The following MCF2L variants were observed in gnomAD, a reference collection of about 807,000 sequenced individuals.
The protein encoded by MCF2L is MCF.2 cell line derived transforming sequence like, also known as guanine nucleotide exchange factor DBS.
In MCF2L, 97 loss-of-function variants were observed where a neutral mutation model predicts 153.4. The ratio of observed to expected loss-of-function variants is 0.63; its 90% CI spans 0.54 to 0.75. MCF2L has a LOEUF of 0.75. MCF2L is among the 30% of genes least tolerant of loss of function. The pLI, the probability that MCF2L is intolerant of heterozygous loss-of-function variation, is 0.00. For synonymous variants in MCF2L, 659 were observed against 632.2 expected, an observed-to-expected ratio of 1.04 and a Z score of -0.64; for missense variants, 1,347 against 1,495.2, an observed-to-expected ratio of 0.90 and a Z score of 1.64.
chr13:112,905,793 A>C (rs2081166930), intron 2 of MCF2L, among the ~76,000 whole-genome samples: 1 of 152,180 alleles, frequency 6.6e-6, no homozygotes, highest in South Asian at 2.1e-4. Flanking sequence ...TCATCCACGG[A>C]CGTTTGGGTC....
rs2082509809 is a variant in MCF2L at position 112,983,376 on chromosome 13, C to T, written c.79+13918C>T. Among the ~76,000 whole-genome samples, 1 of 152,216 alleles carries T rather than the reference C, an allele frequency of 6.6e-6. No homozygotes were observed. Among genetic ancestry groups the T allele is most frequent in the Middle Eastern group, 3.2e-3 (1 of 316 alleles). ...TGTGCCCAGTGGCACTGCGGAAACC[C>T]AGGCCGGACCTCACAATTGCAGGAT... On this transcript the variant is annotated intron_variant, in intron 1 of 29. Coordinates refer to ENST00000535094, the MANE Select transcript of MCF2L (RefSeq NM_001112732.3). This position sits in a 1 kb window ranked among gnomAD's most constrained non-coding sequence, Gnocchi z 4.0.
At chr13:113,084,689 TG>T (rs112875310) in intron 18 of MCF2L, 6 of 592,198 alleles carry the variant, frequency 1.0e-5, no homozygotes, top group African/African-American at 7.4e-5. Context: ...GCCCCATTAA[TG>T]GAGGGCAGGC....
At chr13:112,898,720 C>T (rs991435561) in intron 1 of MCF2L, among the ~76,000 whole-genome samples, 19 of 152,212 alleles carry the variant, frequency 1.2e-4, no homozygotes, top group Admixed American at 9.2e-4. Context: ...TCCCTGCCCC[C>T]CAAGTCCCTG....
chr13:112,914,694 G>A (rs2081272300), intron 2 of MCF2L, among the ~76,000 whole-genome samples: 1 of 152,196 alleles, frequency 6.6e-6, no homozygotes, highest in African/African-American at 2.4e-5. Flanking sequence ...TTCATCACTT[G>A]CATCTCATGC....
At chr13:112,899,616 C>A (rs2081101523) in intron 1 of MCF2L, among the ~76,000 whole-genome samples, 1 of 152,110 alleles carries the variant, frequency 6.6e-6, no homozygotes, top group African/African-American at 2.4e-5. Flanking sequence ...GAGTGAGATC[C>A]TAGAGGAAGG....
At chr13:112,913,493 A>G (rs1051107520) in intron 2 of MCF2L, among the ~76,000 whole-genome samples, 1 of 152,200 alleles carries the variant, frequency 6.6e-6, no homozygotes, top group African/African-American at 2.4e-5. Flanking sequence ...TCGGGGACAA[A>G]TGTGATCTTT....
intron 7 of MCF2L, among the ~76,000 whole-genome samples, chr13:113,065,512 T>C (rs900094094): frequency 3.9e-5 from 6 of 152,222 alleles, no homozygotes; most frequent in Non-Finnish European, 5.9e-5. Context: ...GAGCAGGCGA[T>C]GAAGTGGCGG....
At chr13:112,923,195 G>A (rs2081369566) in intron 2 of MCF2L, among the ~76,000 whole-genome samples, 1 of 150,630 alleles carries the variant, frequency 6.6e-6, no homozygotes, top group South Asian at 2.1e-4. Context: ...TATTTTCTAG[G>A]TGTCAGAGAG....
chr13:113,070,083 C>A lies in MCF2L; in HGVS notation c.906C>A (p.Thr302=). The A allele has an allele frequency of 6.2e-7, 1 of 1,609,704 alleles. No homozygotes were observed. Among genetic ancestry groups the A allele is most frequent in the Non-Finnish European group, 8.5e-7 (1 of 1,178,472 alleles). ...GGCTCCTGGCCCAGCTGAACGAAAC[C>A]GAGGCTGCCTTCGATGAGTTCTGGG... ...VQRLLAQLNE[T]EAAFDEFWAK... is the part of the protein sequence containing the mutation. The change falls in exon 9 of 30, where the codon ACC becomes ACA. Residue 302 remains threonine (T), a synonymous_variant. Coordinates refer to ENST00000535094, the MANE Select transcript of MCF2L (RefSeq NM_001112732.3). This position sits in a 1 kb window ranked among gnomAD's most constrained non-coding sequence, Gnocchi z 5.6.
chr13:112,927,882 G>A (rs1184406075), intron 2 of MCF2L, among the ~76,000 whole-genome samples: 1 of 152,152 alleles, frequency 6.6e-6, no homozygotes, highest in Admixed American at 6.5e-5. Flanking sequence ...GAATCAGCAA[G>A]AAAACCTGTC....
Position 113,096,406 on chromosome 13 carries a change from G to A in MCF2L, c.3111G>A (p.Glu1037=). ...AATACACGGTCGTGGCGGACCACGA[G>A]AAGGGAGGCCCCGATGCGCTGCGCG... The part of the protein sequence containing the change: ...PGKYTVVADH[E]KGGPDALRVR... The change falls in exon 28 of 30, where the codon GAG becomes GAA. Residue 1037 remains glutamate, a synonymous_variant. Transcript: ENST00000535094. The A allele has an allele frequency of 1.9e-6, 3 of 1,594,372 alleles. No individual in the cohort carries two copies. Among genetic ancestry groups the A allele is most frequent in the Non-Finnish European group, 2.6e-6 (3 of 1,171,752 alleles).
intron 2 of MCF2L, among the ~76,000 whole-genome samples, chr13:112,947,994 A>G (rs2081655043): frequency 6.6e-6 from 1 of 152,198 alleles, no homozygotes; most frequent in Admixed American, 6.5e-5. Flanking sequence ...TCTGCCAAGG[A>G]TGACTGCTTG....
intron 5 of MCF2L, among the ~76,000 whole-genome samples, chr13:113,062,428 G>A (rs1047113091): frequency 2.6e-5 from 4 of 152,076 alleles, no homozygotes; most frequent in African/African-American, 4.8e-5. Flanking sequence ...AGATAACTCC[G>A]TGCGCCCTCC....
At chr13:113,051,507 A>G (rs530985496) in intron 4 of MCF2L, among the ~76,000 whole-genome samples, 1 of 152,332 alleles carries the variant, frequency 6.6e-6, no homozygotes, top group South Asian at 2.1e-4. Context: ...TGGGGTATCC[A>G]GCAGGGGTGG....
At position 112,929,595 on chromosome 13, in the gene MCF2L, CT is replaced by C. The variant is rs565080721; in HGVS notation, c.169+27225del. Among the ~76,000 whole-genome samples, 394 of 152,364 alleles carry C rather than the reference CT, an allele frequency of 2.6e-3. 3 individuals carry two copies. Among genetic ancestry groups the C allele is most frequent in the East Asian group, 1.7e-3 (9 of 5,184 alleles). ...TCTGTGAAGTGCATGGAGTCTGCCC[CT>C]GCCCTCAGGCCCCTCCACAGCAGGT... On this transcript the variant is annotated intron_variant, in intron 2 of 29. Transcript: ENST00000375608.
chr13:112,958,372 TC>T (rs2081783641), intron 2 of MCF2L, among the ~76,000 whole-genome samples: 1 of 152,190 alleles, frequency 6.6e-6, no homozygotes, highest in Non-Finnish European at 1.5e-5. Context: ...GGGGACCCTG[TC>T]CTATTCTCTT....
At chr13:113,084,140 C>A in intron 18 of MCF2L, 73 bp downstream of exon 18, 1 of 1,231,040 alleles carries the variant, frequency 8.1e-7, no homozygotes. Context: ...GATTCTACTG[C>A]AAGTTCCTAT....
At chr13:112,909,217 C>T (rs1360243015) in intron 2 of MCF2L, 1 of 779,728 alleles carries the variant, frequency 1.3e-6, no homozygotes, top group Non-Finnish European at 2.4e-6. Flanking sequence ...CCAACCTCTC[C>T]CCAGATGTCT....
chr13:113,067,147 A>C, intron 8 of MCF2L, among the ~76,000 whole-genome samples: 1 of 152,254 alleles, frequency 6.6e-6, no homozygotes, highest in East Asian at 1.9e-4. Context: ...TGATCCGTGC[A>C]CACGCCTGGC....
Sources: gnomAD v4.1 joint callset for allele counts (sites outside exome capture counted in the v4.1 genomes callset) on GRCh38, gnomAD v4.1.1 for gene constraint, Gnocchi (gnomAD v3.1) non-coding constraint, MANE v1.5 for transcripts, NCBI Gene and HGNC (gene_info 2026-07-23, HGNC 2026-07-21) for gene names.